Variants in RASA3 observed in about 807,000 individuals in gnomAD.
RASA3 encodes RAS p21 protein activator 3, also known as ras GTPase-activating protein 3.
A neutral mutation model predicts 110.0 loss-of-function variants in RASA3; 73 were observed. The ratio of observed to expected loss-of-function variants is 0.66; its 90% CI spans 0.55 to 0.81. RASA3 has a LOEUF of 0.81. RASA3 is among the 30% of genes least tolerant of loss of function. The pLI, the probability that RASA3 is intolerant of heterozygous loss-of-function variation, is 0.00. For missense variants in RASA3, 976 were observed against 1,113.2 expected (o/e 0.88, Z 1.75); for synonymous variants, 500 against 451.4 (o/e 1.11, Z -1.37).
At chr13:114,026,396 G>A (rs1186191334) in intron 7 of RASA3, among the ~76,000 whole-genome samples, 1 of 152,192 alleles carries the variant, frequency 6.6e-6, no homozygotes, top group African/African-American at 2.4e-5. Flanking sequence ...CATCTTCTCC[G>A]CCTGTCTATA....
chr13:114,098,668 G>C (rs377279379), intron 1 of RASA3, among the ~76,000 whole-genome samples: 1 of 152,200 alleles, frequency 6.6e-6, no homozygotes, highest in East Asian at 1.9e-4. Flanking sequence ...ATGGAGGCCG[G>C]CTGAGAGTCC....
rs371159351 is a variant in RASA3 at position 113,996,658 on chromosome 13, G to C, written c.2014C>G (p.Leu672Val). The C allele has an allele frequency of 6.6e-5, 107 of 1,613,706 alleles. No homozygotes were observed. Among genetic ancestry groups the C allele is most frequent in the Non-Finnish European group, 6.6e-5 (78 of 1,180,048 alleles). The change falls in exon 21 of 24, where the codon CTC becomes GTC. Residue 672 changes from leucine to valine, a missense_variant. By Grantham distance (32) the Leu-to-Val change is conservative. Around this residue, in one of 4 missense-constraint regions of RASA3, gnomAD observed 109 missense variants for 162.5 expected, o/e 0.67. Coordinates refer to ENST00000334062, the MANE Select transcript of RASA3 (RefSeq NM_007368.4). ...CVEAKDWIDI[L>V]TKVSQCNQKR... Reference sequence around the variant, plus strand: ...TGGTTGCACTGGCTCACTTTGGTGAGAATGTCGATCCAGTCCTTGGCCTCC... The same window carrying C: ...TGGTTGCACTGGCTCACTTTGGTGACAATGTCGATCCAGTCCTTGGCCTCC...
chr13:113,994,805 T>C (rs2053195554), intron 21 of RASA3, among the ~76,000 whole-genome samples: 1 of 152,180 alleles, frequency 6.6e-6, no homozygotes, highest in South Asian at 2.1e-4. Flanking sequence ...ACCCCGTTTC[T>C]ACAAAAAACC....
chr13:114,122,374 A>G (rs1263707202), intron 1 of RASA3, among the ~76,000 whole-genome samples: 1 of 152,202 alleles, frequency 6.6e-6, no homozygotes, highest in African/African-American at 2.4e-5. Flanking sequence ...TGGGCTCTGC[A>G]TGCAGATGGT....
rs568961284 is a variant in RASA3, at chr13:114,112,505, G to A, written c.55+19930C>T. Among the ~76,000 whole-genome samples, 93 of 152,338 alleles carry A rather than the reference G, an allele frequency of 6.1e-4. 1 individual carries two copies. The South Asian group carries it at 0.012, about 19-fold the overall frequency. ...GACGGGAACTCTCTGCAGGGCCGGTGGAAAGAGATCGCCAGCCCCAGCTCT... is the reference window on the plus strand; with the variant it reads ...GACGGGAACTCTCTGCAGGGCCGGTAGAAAGAGATCGCCAGCCCCAGCTCT... On this transcript the variant is annotated intron_variant, in intron 1 of 23. Transcript: ENST00000334062. The surrounding 1 kb of genome is among the most constrained non-coding windows in gnomAD (Gnocchi z 4.8).
intron 23 of RASA3, among the ~76,000 whole-genome samples, chr13:113,980,756 G>A (rs377387023): frequency 1.4e-4 from 22 of 152,332 alleles, no homozygotes; most frequent in Non-Finnish European, 2.9e-4. Flanking sequence ...GTCCAAGTCC[G>A]GGCCACAGGG....
chr13:114,066,470 A>C (rs1361397106), intron 2 of RASA3, among the ~76,000 whole-genome samples: 1 of 152,112 alleles, frequency 6.6e-6, no homozygotes, highest in Non-Finnish European at 1.5e-5. Flanking sequence ...TTTGCTCCTC[A>C]TGGGATCCTC....
At chr13:113,984,444 TGTCCATCCACCCATCACTCACCCATCC>T (rs1566441992) in intron 22 of RASA3, among the ~76,000 whole-genome samples, 13 of 58,320 alleles carry the variant, frequency 2.2e-4, no homozygotes, top group Admixed American at 1.9e-3. Flanking sequence ...CTCATCCATC[TGTCCATCCACCCATCACTCACCCATCC>T]GTCCATCCAC....
chr13:113,979,792 C>A (rs2139022353), intron 23 of RASA3, among the ~76,000 whole-genome samples: 1 of 152,270 alleles, frequency 6.6e-6, no homozygotes, highest in Admixed American at 6.5e-5. Flanking sequence ...CAGATCTGTC[C>A]CAGTGCTGGG....
At chr13:114,019,188 G>A (rs904231237) in intron 9 of RASA3, among the ~76,000 whole-genome samples, 2 of 152,170 alleles carry the variant, frequency 1.3e-5, no homozygotes, top group Admixed American at 6.5e-5. Context: ...TGGCAGGAAC[G>A]GGTTTCCGGG....
chr13:114,016,861 C>T (rs945218008), intron 12 of RASA3, among the ~76,000 whole-genome samples: 2 of 152,226 alleles, frequency 1.3e-5, no homozygotes, highest in African/African-American at 4.8e-5. Context: ...GGTGTGCGGG[C>T]ATCAGAGGGT....
rs1228853386 is a variant in RASA3, at chr13:114,000,932, C to T, written c.1743G>A (p.Gly581=). 1 of 1,609,322 alleles carries T rather than the reference C, an allele frequency of 6.2e-7. No homozygotes were observed. The highest frequency in any genetic ancestry group is 1.7e-5 in the Admixed American group (1 of 59,994). Residue 581 remains glycine (G), a splice_region_variant and synonymous_variant, in exon 19 of 24, where the codon GGG becomes GGA. Coordinates refer to ENST00000334062, the MANE Select transcript of RASA3 (RefSeq NM_007368.4). ...GTCCTTGGGCCCTCTTGATCATGAA[C>T]CTGTGTGAAGAGCACACAGGGCCGG... ...SVEQPIVLKE[G]FMIKRAQGRK... is the part of the protein sequence containing the mutation.
intron 2 of RASA3, among the ~76,000 whole-genome samples, chr13:114,058,445 T>C (rs926857975): frequency 1.3e-5 from 2 of 152,264 alleles, no homozygotes; most frequent in African/African-American, 2.4e-5. Flanking sequence ...CCGTGACTTG[T>C]GGTCACCAGA....
Position 113,981,668 on chromosome 13 carries a change from C to T in RASA3, c.2429+7G>A, listed in dbSNP as rs1237016621. On this transcript the variant is annotated splice_region_variant and intron_variant, in intron 23 of 23. Coordinates refer to ENST00000334062, the MANE Select transcript of RASA3 (RefSeq NM_007368.4). ...CCGTCCAGGGCAGGCACGGGAGTGG[C>T]ACTCACTGGCTTCCATATTTCGTCT... 1.2e-6 allele frequency: 2 copies of T among 1,613,058 alleles called. No individual in the cohort carries two copies.
intron 1 of RASA3, among the ~76,000 whole-genome samples, chr13:114,094,077 G>A (rs1040251449): frequency 6.6e-5 from 10 of 151,966 alleles, no homozygotes; most frequent in Non-Finnish European, 1.0e-4. Context: ...TATCCATTTC[G>A]TAAGGTCACA....
At position 113,981,744 on chromosome 13, in the gene RASA3, AC is replaced by A; in HGVS notation, c.2359del (p.Val787LeufsTer82). On this transcript the variant is annotated frameshift_variant, in exon 23 of 24. Coordinates refer to ENST00000334062, the MANE Select transcript of RASA3 (RefSeq NM_007368.4). LOFTEE classifies it high-confidence loss of function. Reference sequence around the variant, plus strand: ...GGCGTGCTCCTGCTCCAAAGCCCCAACCCCAGCGATGACTTGCTTTAGCGTC... The same window carrying A: ...GGCGTGCTCCTGCTCCAAAGCCCCAACCCAGCGATGACTTGCTTTAGCGTC... ...YKTLKQVIAGVGALEQEHAQY... is the reference protein window; with the variant it reads ...YKTLKQVIAGXGALEQEHAQY... 1 of 1,613,876 alleles carries A rather than the reference AC, an allele frequency of 6.2e-7. No homozygotes were observed. Among genetic ancestry groups the A allele is most frequent in the Non-Finnish European group, 8.5e-7 (1 of 1,179,958 alleles).
chr13:114,023,222 G>A (rs1035099976), intron 8 of RASA3, among the ~76,000 whole-genome samples: 2 of 150,510 alleles, frequency 1.3e-5, no homozygotes, highest in Admixed American at 6.7e-5. Flanking sequence ...GTGCATCCCA[G>A]GCTCAGGGAC....
At position 114,056,918 on chromosome 13, in the gene RASA3, C is replaced by T. The variant is rs1175075115; in HGVS notation, c.174-4763G>A. 6.6e-6 allele frequency among the ~76,000 whole-genome samples: 1 copy of T among 152,150 alleles called. No homozygotes were observed. Among genetic ancestry groups the T allele is most frequent in the Non-Finnish European group, 1.5e-5 (1 of 68,020 alleles). ...ATTTCTCCAGCAATGGCTTTAGAAC[C>T]TTGCTCCTGAATCGCAGCAGGGGAG... On this transcript the variant is annotated intron_variant, in intron 2 of 23. Transcript: ENST00000334062. The surrounding 1 kb of genome is among the most constrained non-coding windows in gnomAD (Gnocchi z 5.7).
chr13:114,075,581 GC>G (rs1443228194), intron 1 of RASA3, among the ~76,000 whole-genome samples: 2 of 59,872 alleles, frequency 3.3e-5, no homozygotes, highest in Non-Finnish European at 5.5e-5. Flanking sequence ...GCGTATCTCT[GC>G]GTGTGGAGGC....
Sources: gnomAD v4.1 joint callset for allele counts (sites outside exome capture counted in the v4.1 genomes callset) on GRCh38, gnomAD v4.1.1 for gene constraint, gnomAD v4.1.1 regional missense constraint, Gnocchi (gnomAD v3.1) non-coding constraint, MANE v1.5 for transcripts, NCBI Gene and HGNC (gene_info 2026-07-23, HGNC 2026-07-21) for gene names.